The following PHF21A variants were observed in gnomAD, a reference collection of about 807,000 sequenced individuals.
PHF21A encodes BHC80a.
A neutral mutation model predicts 82.5 loss-of-function variants in PHF21A; 11 were observed. That is an observed-to-expected ratio of 0.13 (90% CI 0.08 to 0.22). PHF21A has a LOEUF of 0.22. Ranked by LOEUF, PHF21A falls within the 10% of genes least tolerant of loss-of-function variation. The pLI, the probability that PHF21A is intolerant of heterozygous loss-of-function variation, is 1.00. For missense variants in PHF21A, 579 were observed against 837.8 expected, an observed-to-expected ratio of 0.69 and a Z score of 3.81; for synonymous variants, 297 against 302.8, an observed-to-expected ratio of 0.98 and a Z score of 0.20.
At chr11:46,057,154 C>G (rs554683067) in intron 6 of PHF21A, among the ~76,000 whole-genome samples, 1 of 152,232 alleles carries the variant, frequency 6.6e-6, no homozygotes, top group East Asian at 1.9e-4. Context: ...AAGAGCAGAA[C>G]AGTTTTTACT....
chr11:45,986,897 T>C lies in PHF21A; in HGVS notation c.154-6931A>G, dbSNP rs1004640933. Reference sequence around the variant, plus strand: ...TAGTTCAATCTATGTTTGGCTATTTTTTTTTTAATGACAACTGCCAAAAAG... The same window carrying C: ...TAGTTCAATCTATGTTTGGCTATTTCTTTTTTAATGACAACTGCCAAAAAG... On this transcript the variant is annotated intron_variant, in intron 6 of 18. Transcript: ENST00000676320. Among the ~76,000 whole-genome samples the C allele has an allele frequency of 5.3e-5, 8 of 152,202 alleles. No individual in the cohort carries two copies. The East Asian group carries it at 1.3e-3, about 26-fold the overall frequency.
chr11:45,957,569 GAA>G (rs2092731105), intron 10 of PHF21A, among the ~76,000 whole-genome samples: 1 of 151,872 alleles, frequency 6.6e-6, no homozygotes, highest in Non-Finnish European at 1.5e-5. Flanking sequence ...AGGGAAATTA[GAA>G]AATACTTTGA....
intron 11 of PHF21A, among the ~76,000 whole-genome samples, chr11:45,951,852 G>A (rs1367889861): frequency 6.6e-6 from 1 of 150,422 alleles, no homozygotes; most frequent in Non-Finnish European, 1.5e-5. Context: ...TGTCACCCAG[G>A]CTGCAATACA....
rs1338627397 is a variant in PHF21A at position 46,121,392 on chromosome 11, CCT to C, written c.-696_-695del. On this transcript the variant is annotated 5_prime_UTR_variant, in exon 1 of 19. An upstream open reading frame in the 5' UTR loses its in-frame stop. Coordinates refer to ENST00000676320, the MANE Select transcript of PHF21A (RefSeq NM_001352027.3). ...AACAAGCCCAACTCTTCATCCTCCT[CCT>C]CCTCTCAGCAGCAGCAGCGAGCACC... Among the ~76,000 whole-genome samples, 1 of 151,224 alleles carries C rather than the reference CCT, an allele frequency of 6.6e-6. No homozygotes were observed. The highest frequency in any genetic ancestry group is 1.9e-4 in the East Asian group (1 of 5,136).
chr11:46,031,741 T>C (rs970788926), intron 6 of PHF21A, among the ~76,000 whole-genome samples: 3 of 152,302 alleles, frequency 2.0e-5, no homozygotes, highest in Admixed American at 6.5e-5. Context: ...TTAGGTCTAA[T>C]AGTGTCTGGA....
chr11:46,119,902 G>C (rs901072645), intron 1 of PHF21A: 1 of 147,024 alleles, frequency 6.8e-6, no homozygotes, highest in Non-Finnish European at 1.5e-5. Flanking sequence ...GGGCGCGGGC[G>C]GGGGAGGGGC....
intron 6 of PHF21A, among the ~76,000 whole-genome samples, chr11:45,987,035 C>T (rs903228779): frequency 6.6e-6 from 1 of 152,050 alleles, no homozygotes; most frequent in Non-Finnish European, 1.5e-5. Context: ...TCTTATACCT[C>T]TATGGTGGTT....
chr11:45,994,328 T>C (rs763614385), intron 6 of PHF21A, among the ~76,000 whole-genome samples: 5 of 152,212 alleles, frequency 3.3e-5, no homozygotes, highest in Non-Finnish European at 5.9e-5. Flanking sequence ...CTTACTGCCA[T>C]AAAAATTATG....
chr11:45,994,030 G>A (rs2094815507), intron 6 of PHF21A, among the ~76,000 whole-genome samples: 1 of 152,168 alleles, frequency 6.6e-6, no homozygotes, highest in Admixed American at 6.5e-5. Context: ...CTTTGGCAGG[G>A]CAGCTGAGCA....
chr11:45,973,427 T>A (rs746311227), intron 7 of PHF21A, among the ~76,000 whole-genome samples: 7 of 152,276 alleles, frequency 4.6e-5, no homozygotes, highest in Non-Finnish European at 8.8e-5. Flanking sequence ...TTCTGCCTTA[T>A]GCGCATATAC....
rs1443676935 is a variant in PHF21A, at chr11:46,076,816, C to G, written c.91G>C (p.Ala31Pro). Residue 31 changes from alanine (A) to proline (P), a missense_variant, in exon 6 of 19, where the codon GCT becomes CCT. By Grantham distance (27) the Ala-to-Pro change is conservative (BLOSUM62 -1). This residue lies in a region of PHF21A where 12 missense variants were observed against 46.4 expected (regional missense o/e 0.26). Transcript: ENST00000676320. Reference protein sequence around the residue: ...VAQMKQDPQNADLKKQLHELQ... With the variant: ...VAQMKQDPQNPDLKKQLHELQ... ...TCATGAAGCTGTTTCTTTAAGTCAG[C>G]ATTCTGATTGGAAAGAAAAAATATC... The G allele has an allele frequency of 6.2e-7, 1 of 1,611,566 alleles. No individual in the cohort carries two copies.
At chr11:46,005,189 C>T (rs1231157843) in intron 6 of PHF21A, among the ~76,000 whole-genome samples, 2 of 152,122 alleles carry the variant, frequency 1.3e-5, no homozygotes, top group Non-Finnish European at 1.5e-5. Context: ...AAATCCAAAA[C>T]TTTTTGAGCA....
chr11:46,062,901 A>G (rs2096552918), intron 6 of PHF21A, among the ~76,000 whole-genome samples: 1 of 152,196 alleles, frequency 6.6e-6, no homozygotes, highest in Admixed American at 6.5e-5. Flanking sequence ...ACAGCTAAAA[A>G]CTGGGTTACA....
intron 6 of PHF21A, among the ~76,000 whole-genome samples, chr11:46,071,087 CTG>C (rs2096651976): frequency 6.6e-6 from 1 of 152,162 alleles, no homozygotes; most frequent in Admixed American, 6.5e-5. Context: ...CATATCCTCT[CTG>C]TTTTAAAATT....
rs1038221510 is a variant in PHF21A at position 45,997,948 on chromosome 11, T to C, written c.154-17982A>G. ...AAAAGTGATACACCACAGGCCCATG[T>C]GCAAACAGGTCACCTCTGAACACTG... On this transcript the variant is annotated intron_variant, in intron 6 of 18. Coordinates refer to ENST00000676320, the MANE Select transcript of PHF21A (RefSeq NM_001352027.3). Among the ~76,000 whole-genome samples, 3 of 152,208 alleles carry C rather than the reference T, an allele frequency of 2.0e-5. No individual in the cohort carries two copies. The South Asian group carries it at 6.2e-4, about 32-fold the overall frequency.
chr11:46,064,759 A>G (rs972142120), intron 6 of PHF21A, among the ~76,000 whole-genome samples: 2 of 152,252 alleles, frequency 1.3e-5, no homozygotes, highest in Non-Finnish European at 2.9e-5. Context: ...GATAGTTTAT[A>G]GACAATTTTT....
chr11:45,988,795 G>A (rs2094579512), intron 6 of PHF21A, among the ~76,000 whole-genome samples: 1 of 152,132 alleles, frequency 6.6e-6, no homozygotes, highest in East Asian at 1.9e-4. Context: ...GGAAGCTGAG[G>A]CATGAGAACT....
intron 14 of PHF21A, among the ~76,000 whole-genome samples, chr11:45,947,225 C>T (rs2091428303): frequency 6.6e-6 from 1 of 152,086 alleles, no homozygotes; most frequent in Non-Finnish European, 1.5e-5. Context: ...TGCCTTACCA[C>T]ATATCTAAGT....
chr11:45,976,290 T>C (rs2094018693), intron 7 of PHF21A, among the ~76,000 whole-genome samples: 1 of 152,178 alleles, frequency 6.6e-6, no homozygotes, highest in South Asian at 2.1e-4. Context: ...GACAAGTACT[T>C]TCTGATCCCT....
Sources: gnomAD v4.1 joint callset for allele counts (sites outside exome capture counted in the v4.1 genomes callset) on GRCh38, gnomAD v4.1.1 for gene constraint, gnomAD v4.1.1 regional missense constraint, MANE v1.5 for transcripts, NCBI Gene and HGNC (gene_info 2026-07-23, HGNC 2026-07-21) for gene names.